The following CDH12 variants were observed in gnomAD, a reference collection of about 807,000 sequenced individuals.
CDH12 encodes cadherin 12, also known as cadherin-12.
A neutral mutation model predicts 74.1 loss-of-function variants in CDH12; 41 were observed. The ratio of observed to expected loss-of-function variants is 0.55; its 90% confidence interval spans 0.43 to 0.72. The LOEUF is 0.72. Ranked by LOEUF, CDH12 falls within the 30% of genes least tolerant of loss-of-function variation. The pLI is 0.00. For synonymous variants in CDH12, 399 were observed against 355.0 expected, an observed-to-expected ratio of 1.12 and a Z score of -1.39; for missense variants, 945 against 977.2, an observed-to-expected ratio of 0.97 and a Z score of 0.44.
chr5:22,097,440 CT>C (rs1351093605), intron 4 of CDH12, among the ~76,000 whole-genome samples: 1 of 152,188 alleles, frequency 6.6e-6, no homozygotes, highest in Non-Finnish European at 1.5e-5. Flanking sequence ...ACATTACCTT[CT>C]TTTCAAGGGC....
chr5:22,697,199 G>C (rs1444569295), intron 1 of CDH12, among the ~76,000 whole-genome samples: 6 of 152,158 alleles, frequency 3.9e-5, no homozygotes, highest in African/African-American at 1.4e-4. Flanking sequence ...GAGAAGGGAT[G>C]ATTTCAGGTG....
At chr5:22,769,732 G>A (rs181068511) in intron 1 of CDH12, among the ~76,000 whole-genome samples, 147 of 152,056 alleles carry the variant, frequency 9.7e-4, no homozygotes, top group African/African-American at 3.5e-3. Context: ...AGAGACTTGG[G>A]GATGGATATA....
rs867314445 is a variant in CDH12 at position 22,076,270 on chromosome 5, C to T, written c.231+2176G>A. Reference sequence around the variant, plus strand: ...TTTTAAATAAACTGGATGAATTATACACTGTTACCGCAATTATAAAGTGGA... The same window carrying T: ...TTTTAAATAAACTGGATGAATTATATACTGTTACCGCAATTATAAAGTGGA... On this transcript the variant is annotated intron_variant, in intron 5 of 14. Coordinates refer to ENST00000382254, the MANE Select transcript of CDH12 (RefSeq NM_004061.5). 3.3e-5 allele frequency among the ~76,000 whole-genome samples: 5 copies of T among 152,194 alleles called. No homozygotes were observed. In the Middle Eastern group the frequency reaches 0.01, roughly 311 times the overall value.
intron 1 of CDH12, among the ~76,000 whole-genome samples, chr5:22,751,170 T>A (rs1336204704): frequency 6.6e-6 from 1 of 151,698 alleles, no homozygotes; most frequent in East Asian, 1.9e-4. Flanking sequence ...AAAAGTAACG[T>A]TTGGGTAATA....
At chr5:22,547,030 T>G (rs1487608957) in intron 1 of CDH12, among the ~76,000 whole-genome samples, 2 of 152,170 alleles carry the variant, frequency 1.3e-5, no homozygotes, top group Admixed American at 1.3e-4. Context: ...GGAGATAACT[T>G]TTGCATTTTA....
At chr5:22,063,093 C>A (rs1479587141) in intron 5 of CDH12, among the ~76,000 whole-genome samples, 2 of 152,118 alleles carry the variant, frequency 1.3e-5, no homozygotes, top group Non-Finnish European at 2.9e-5. Context: ...TCCAAATGGT[C>A]ATCCTAAAAT....
intron 1 of CDH12, among the ~76,000 whole-genome samples, chr5:22,796,997 A>T (rs924158525): frequency 4.6e-5 from 7 of 152,112 alleles, no homozygotes; most frequent in Admixed American, 4.6e-4. Flanking sequence ...GGTCTTATCC[A>T]TGTCAAAAAT....
chr5:22,406,457 G>C (rs1156350705), intron 2 of CDH12, among the ~76,000 whole-genome samples: 1 of 152,128 alleles, frequency 6.6e-6, no homozygotes, highest in East Asian at 1.9e-4. Context: ...GAATATATTT[G>C]AGAGGGTTAT....
At chr5:22,374,776 A>G (rs1741449215) in intron 3 of CDH12, among the ~76,000 whole-genome samples, 1 of 152,102 alleles carries the variant, frequency 6.6e-6, no homozygotes, top group Non-Finnish European at 1.5e-5. Flanking sequence ...CTACAAGGAA[A>G]ACTACAAAAC....
Position 21,751,692 on chromosome 5 carries a change from TTA to T in CDH12, c.*43_*44del, listed in dbSNP as rs1561150001. The T allele has an allele frequency of 2.0e-6, 3 of 1,520,994 alleles. No homozygotes were observed. Among genetic ancestry groups the T allele is most frequent in the Non-Finnish European group, 2.7e-6 (3 of 1,130,156 alleles). The allele number at this position is 1,520,994 out of a possible 1,614,324, so 94.2% of individuals were successfully genotyped here. On this transcript the variant is annotated 3_prime_UTR_variant, in exon 15 of 15. Transcript: ENST00000382254. ...TAATATTTGTGTTTCTTTTTCTTTT[TTA>T]AAAATCTCCCCTCTCGGTTGTATTT...
chr5:22,635,899 T>A (rs1054151959), intron 1 of CDH12, among the ~76,000 whole-genome samples: 1 of 151,918 alleles, frequency 6.6e-6, no homozygotes, highest in African/African-American at 2.4e-5. Flanking sequence ...GGCCACAGAA[T>A]GAGACTCCAT....
intron 1 of CDH12, among the ~76,000 whole-genome samples, chr5:22,661,609 T>C (rs979978483): frequency 2.6e-5 from 4 of 152,144 alleles, no homozygotes; most frequent in Non-Finnish European, 5.9e-5. Flanking sequence ...AATGGTAAGA[T>C]TTTTACCATA....
chr5:22,460,774 G>A (rs970214399), intron 2 of CDH12, among the ~76,000 whole-genome samples: 2 of 133,250 alleles, frequency 1.5e-5, no homozygotes, highest in African/African-American at 5.6e-5. Context: ...AGGATGGAGC[G>A]TGATGGCACG....
In CDH12 at chr5:22,634,961, C is replaced by CA. The variant is rs571580276; in HGVS notation, c.-522-129598dup. Reference sequence around the variant, plus strand: ...ACCACATATTTAACACAATCTCTACCAAAATCACAGTTGGATTTTTTTTTT... The same window carrying CA: ...ACCACATATTTAACACAATCTCTACCAAAAATCACAGTTGGATTTTTTTTTT... On this transcript the variant is annotated intron_variant, in intron 1 of 14. Coordinates refer to ENST00000382254, the MANE Select transcript of CDH12 (RefSeq NM_004061.5). Among the ~76,000 whole-genome samples, 527 of 147,756 alleles carry CA rather than the reference C, an allele frequency of 3.6e-3. 1 individual carries two copies. The highest frequency in any genetic ancestry group is 1.0e-2 in the African/African-American group (401 of 40,172).
intron 4 of CDH12, among the ~76,000 whole-genome samples, chr5:22,090,649 C>T (rs1001381655): frequency 6.6e-6 from 1 of 151,272 alleles, no homozygotes; most frequent in South Asian, 2.1e-4. Flanking sequence ...ACCAATATCC[C>T]TTATGAATAT....
intron 2 of CDH12, among the ~76,000 whole-genome samples, chr5:22,436,398 C>A (rs2126532016): frequency 6.7e-6 from 1 of 149,882 alleles, no homozygotes; most frequent in Admixed American, 6.7e-5. Flanking sequence ...ATGTAACAAA[C>A]CTGCACGTTG....
chr5:22,755,944 T>G (rs949502464), intron 1 of CDH12, among the ~76,000 whole-genome samples: 15 of 151,662 alleles, frequency 9.9e-5, no homozygotes, highest in Admixed American at 2.0e-4. Flanking sequence ...TTTTACATAC[T>G]TTGCTTTTAT....
chr5:22,341,030 T>C (rs1265430388), intron 3 of CDH12, among the ~76,000 whole-genome samples: 1 of 152,234 alleles, frequency 6.6e-6, no homozygotes, highest in Admixed American at 6.5e-5. Context: ...GGTTTACAGA[T>C]CTGAAAATAT....
chr5:21,999,135 AC>A (rs1436864001), intron 5 of CDH12, among the ~76,000 whole-genome samples: 1 of 152,012 alleles, frequency 6.6e-6, no homozygotes, highest in Non-Finnish European at 1.5e-5. Context: ...TATTTTACAA[AC>A]CAACCCTTAG....
Sources: allele counts gnomAD v4.1 joint callset (sites outside exome capture counted in the v4.1 genomes callset), GRCh38; gene constraint gnomAD v4.1.1; transcripts MANE v1.5; gene names NCBI Gene and HGNC (gene_info 2026-07-23, HGNC 2026-07-21).